The following E2F7 variants were observed in gnomAD, a reference collection of about 807,000 sequenced individuals.
E2F7 encodes the protein E2F transcription factor 7, also known as transcription factor E2F7.
E2F7 carries 35 observed loss-of-function variants against 81.1 expected under a neutral mutation model. The observed-to-expected ratio is 0.43, with a 90% confidence interval of 0.33 to 0.57. The LOEUF is 0.57. E2F7 is among the 20% of genes least tolerant of loss of function. E2F7 has a pLI of 0.04. For synonymous variants in E2F7, 416 were observed against 416.2 expected (o/e 1.00, Z 0.01); for missense variants, 961 against 1,093.7 (o/e 0.88, Z 1.71).
chr12:77,033,825 A>C, intron 8 of E2F7, 32 bp downstream of exon 8: 1 of 1,530,766 alleles, frequency 6.5e-7, no homozygotes, highest in Non-Finnish European at 8.8e-7. Flanking sequence ...ATGGCAACTG[A>C]TGGACTCCAT....
chr12:77,033,264 A>C (rs1954820788), intron 8 of E2F7, 142 bp from the exon 9 acceptor site: 2 of 725,442 alleles, frequency 2.8e-6, no homozygotes, highest in Non-Finnish European at 4.3e-6. Context: ...TCAAAGAGAA[A>C]TTTTCAGTAG....
At position 77,036,535 on chromosome 12, in the gene E2F7, A is replaced by AG; in HGVS notation, c.1124-2494_1124-2493insC. Among the ~76,000 whole-genome samples, 3 of 33,206 alleles carry AG rather than the reference A, an allele frequency of 9.0e-5. 1 individual carries two copies. In the Admixed American group the frequency reaches 1.0e-3, roughly 11 times the overall value. 21.8% of individuals were successfully genotyped at this position (33,206 alleles called of 152,430 possible). ...GTGACAGAGTAAGACCTTTGTCTCCAAAAAAAATAAAATAAATTTAAAAAA... is the reference window on the plus strand; with the variant it reads ...GTGACAGAGTAAGACCTTTGTCTCCAGAAAAAAATAAAATAAATTTAAAAAA... On this transcript the variant is annotated intron_variant, in intron 7 of 12. Transcript: ENST00000322886.
In E2F7 at chr12:77,043,123, T is replaced by A. The variant is rs953323407; in HGVS notation, c.1065A>T (p.Glu355Asp). The change falls in exon 7 of 13, where the codon GAA becomes GAT. Residue 355 changes from glutamate (E) to aspartate (D), a missense_variant. Glu to Asp is a conservative substitution (Grantham distance 45). Around this residue, in one of 3 missense-constraint regions of E2F7, gnomAD observed 301 missense variants for 405.0 expected, o/e 0.74. Transcript: ENST00000322886. ...TGAAGGCTGGTTTACGACCTCGCTCTTCTGTTACATGCACTTTCTTTATCA... is the reference window on the plus strand; with the variant it reads ...TGAAGGCTGGTTTACGACCTCGCTCATCTGTTACATGCACTTTCTTTATCA... Reference protein sequence around the residue: ...LALIKKVHVTEERGRKPAFKW... With the variant: ...LALIKKVHVTDERGRKPAFKW... The A allele has an allele frequency of 6.2e-7, 1 of 1,614,204 alleles. No individual in the cohort carries two copies. Among genetic ancestry groups the A allele is most frequent in the Admixed American group, 1.7e-5 (1 of 60,020 alleles).
Position 77,023,530 on chromosome 12 carries a change from A to C in E2F7, c.*485T>G, listed in dbSNP as rs1473203471. On this transcript the variant is annotated 3_prime_UTR_variant, in exon 13 of 13. Coordinates refer to ENST00000322886, the MANE Select transcript of E2F7 (RefSeq NM_203394.3). ...TTGCACTAAATCCCATTTCAGGAAC[A>C]AAATAAATAACACCATAGGATTCAC... The C allele has an allele frequency of 6.5e-6, 1 of 153,006 alleles. No individual in the cohort carries two copies. Among genetic ancestry groups the C allele is most frequent in the Non-Finnish European group, 1.5e-5 (1 of 68,292 alleles). 9.5% of individuals were successfully genotyped at this position (153,006 alleles called of 1,614,324 possible). A position where few individuals can be genotyped will look rare whatever the true frequency, so the allele number is the denominator to read the frequency against.
At chr12:77,030,564 CTCAGGTGAGAGTGAACATTCATT>C (rs1954798635) in intron 9 of E2F7, among the ~76,000 whole-genome samples, 1 of 152,196 alleles carries the variant, frequency 6.6e-6, no homozygotes, top group African/African-American at 2.4e-5. Flanking sequence ...CCATTGGAAT[CTCAGGTGAGAGTGAACATTCATT>C]CCTCCTTCAT....
chr12:77,053,130 G>A (rs1248872510), intron 3 of E2F7, among the ~76,000 whole-genome samples: 1 of 152,116 alleles, frequency 6.6e-6, no homozygotes, highest in Non-Finnish European at 1.5e-5. Flanking sequence ...ATCTAATGAC[G>A]TAGCACCTAT....
chr12:77,053,104 T>C (rs79965662), intron 3 of E2F7, among the ~76,000 whole-genome samples: 8,060 of 152,262 alleles, frequency 0.053, 286 homozygotes, highest in Middle Eastern at 0.085. Context: ...TGGCATTATC[T>C]TGTGAACATC....
chr12:77,045,117 TAGA>T (rs199756995), intron 5 of E2F7, among the ~76,000 whole-genome samples: 1 of 152,196 alleles, frequency 6.6e-6, no homozygotes, highest in East Asian at 1.9e-4. Flanking sequence ...AAGATTAATG[TAGA>T]AGGATAAAAA....
chr12:77,026,371 T>G (rs1051252769), intron 11 of E2F7, among the ~76,000 whole-genome samples: 2 of 152,190 alleles, frequency 1.3e-5, no homozygotes, highest in African/African-American at 4.8e-5. Context: ...GGTGTGATCA[T>G]GGCTTACTGT....
chr12:77,030,353 A>G (rs757277258), intron 9 of E2F7, 21 bp from the exon 10 acceptor site: 1 of 1,519,308 alleles, frequency 6.6e-7, no homozygotes, highest in Non-Finnish European at 8.8e-7. Context: ...AAAGAAACGT[A>G]ACGAAGTTAG....
intron 4 of E2F7, among the ~76,000 whole-genome samples, chr12:77,048,067 C>T (rs949526340): frequency 9.2e-5 from 14 of 152,182 alleles, no homozygotes; most frequent in African/African-American, 3.4e-4. Flanking sequence ...TTCTGACCAC[C>T]TGGAGATTCT....
chr12:77,057,398 C>A (rs185747127), intron 2 of E2F7, among the ~76,000 whole-genome samples: 1 of 151,852 alleles, frequency 6.6e-6, no homozygotes, highest in Non-Finnish European at 1.5e-5. Context: ...TTGTAGAGAT[C>A]GGGGTCTCAC....
chr12:77,034,712 TACAG>T (rs1954834410), intron 7 of E2F7, among the ~76,000 whole-genome samples: 2 of 152,248 alleles, frequency 1.3e-5, no homozygotes, highest in Non-Finnish European at 1.5e-5. Context: ...ATCCTTGTTG[TACAG>T]ACAGTCATCT....
intron 3 of E2F7, among the ~76,000 whole-genome samples, chr12:77,053,192 A>C (rs1378998629): frequency 6.6e-6 from 1 of 152,004 alleles, no homozygotes; most frequent in Non-Finnish European, 1.5e-5. Context: ...TGCTCCAAGG[A>C]CCCCTTTATG....
Position 77,031,898 on chromosome 12 carries a change from A to G in E2F7, c.1382+1152T>C, listed in dbSNP as rs73395895. On this transcript the variant is annotated intron_variant, in intron 9 of 12. Transcript: ENST00000322886. The stretch of plus-strand genomic sequence containing the variant: ...ATTGCTCAGCTCTGTGAAACTGAAC[A>G]TGCCCACCCTGGGTATATCACCCAC... Among the ~76,000 whole-genome samples, 1,253 of 152,206 alleles carry G rather than the reference A, an allele frequency of 8.2e-3. 13 individuals carry two copies. The highest frequency in any genetic ancestry group is 0.029 in the African/African-American group (1,194 of 41,530).
At chr12:77,024,346 C>A (rs1954741389) in intron 12 of E2F7, among the ~76,000 whole-genome samples, 161 bp from the exon 13 acceptor site, 1 of 152,108 alleles carries the variant, frequency 6.6e-6, no homozygotes, top group Non-Finnish European at 1.5e-5. Context: ...CCCCTGCTTA[C>A]CACAACTGAA....
At chr12:77,037,991 G>T (rs963581117) in intron 7 of E2F7, among the ~76,000 whole-genome samples, 22 of 152,072 alleles carry the variant, frequency 1.4e-4, no homozygotes, top group African/African-American at 4.6e-4. Flanking sequence ...GAAAGCTGAA[G>T]TGACTATATC....
rs867788824 is a variant in E2F7, at chr12:77,065,347, C to G, written c.-3G>C. On this transcript the variant is annotated splice_region_variant and 5_prime_UTR_variant, in exon 1 of 13. Coordinates refer to ENST00000322886, the MANE Select transcript of E2F7 (RefSeq NM_203394.3). ...TGGCGCTGGGGCCGCACGCTTACCC[C>G]TGCTTTCCTAAGGAGGCTTCCTGCC... 6.6e-6 allele frequency: 1 copy of G among 152,338 alleles called. No individual in the cohort carries two copies. The highest frequency in any genetic ancestry group is 2.4e-5 in the African/African-American group (1 of 41,464). The allele number at this position is 152,338 out of a possible 1,614,324, so 9.4% of individuals were successfully genotyped here.
rs1436618322 is a variant in E2F7 at position 77,064,624 on chromosome 12, A to G, written c.12T>C (p.Asn4=). The change falls in exon 2 of 13, where the codon AAT becomes AAC. Residue 4 remains asparagine, a synonymous_variant. Transcript: ENST00000322886. MEV[N]CLTLKDLISP... is the part of the protein sequence containing the mutation. ...TGATCAGGTCTTTTAGTGTTAAACA[A>G]TTTACCTCCATCTGTAATGCACAAT... 1.9e-6 allele frequency: 3 copies of G among 1,613,716 alleles called. No homozygotes were observed. The highest frequency in any genetic ancestry group is 1.3e-5 in the African/African-American group (1 of 75,032).
Sources: gnomAD v4.1 joint callset for allele counts (sites outside exome capture counted in the v4.1 genomes callset) on GRCh38, gnomAD v4.1.1 for gene constraint, gnomAD v4.1.1 regional missense constraint, MANE v1.5 for transcripts, NCBI Gene and HGNC (gene_info 2026-07-23, HGNC 2026-07-21) for gene names.